PCDHA6: variants seen among roughly 807,000 people sequenced by gnomAD.
The protein encoded by PCDHA6 is protocadherin alpha 6.
In PCDHA6, 55 loss-of-function variants were observed where a neutral mutation model predicts 60.3. The observed-to-expected ratio is 0.91, with a 90% confidence interval of 0.73 to 1.14. The LOEUF is 1.14. PCDHA6 is among the 50% of genes most tolerant of loss of function. The pLI, the probability that PCDHA6 is intolerant of heterozygous loss-of-function variation, is 0.00. For missense variants in PCDHA6, 1,327 were observed against 1,256.5 expected, an observed-to-expected ratio of 1.06 and a Z score of -0.85; for synonymous variants, 652 against 557.9, an observed-to-expected ratio of 1.17 and a Z score of -2.38.
chr5:140,867,523 A>AGT (rs2050005446), intron 1 of PCDHA6: 1 of 152,088 alleles, frequency 6.6e-6, no homozygotes, highest in South Asian at 2.1e-4. Context: ...TTAATAGTTG[A>AGT]ATATATATAT....
Position 141,009,950 on chromosome 5 carries a change from G to C in PCDHA6, c.*13G>C, listed in dbSNP as rs782235440. On this transcript the variant is annotated 3_prime_UTR_variant, in exon 4 of 4. Coordinates refer to ENST00000529310, the MANE Select transcript of PCDHA6 (RefSeq NM_018909.4). ...CAGTGACCAGTGAGGTCCTCAAATGGAAACAAGCCACTTAGCCAGTTTTTG... is the reference window on the plus strand; with the variant it reads ...CAGTGACCAGTGAGGTCCTCAAATGCAAACAAGCCACTTAGCCAGTTTTTG... 12 of 1,593,098 alleles carry C rather than the reference G, an allele frequency of 7.5e-6. No individual in the cohort carries two copies. In the East Asian group the frequency reaches 2.5e-4, roughly 33 times the overall value.
Position 140,842,578 on chromosome 5 carries a change from G to C in PCDHA6, c.2394+12093G>C, listed in dbSNP as rs2150339831. On this transcript the variant is annotated intron_variant, in intron 1 of 3. Transcript: ENST00000529310. ...GCGCCCTGGACCGCGAGAGAGTGTC[G>C]GCCTATGAGTTGGTGGTAACCGCGC... 18 of 1,515,278 alleles carry C rather than the reference G, an allele frequency of 1.2e-5. 1 individual carries two copies. The highest frequency in any genetic ancestry group is 1.5e-5 in the Non-Finnish European group (17 of 1,114,964). 93.9% of individuals were successfully genotyped at this position (1,515,278 alleles called of 1,614,324 possible). A position where few individuals can be genotyped will look rare whatever the true frequency, so the allele number is the denominator to read the frequency against.
At chr5:140,979,244 T>C (rs1214932523) in intron 2 of PCDHA6, among the ~76,000 whole-genome samples, 1 of 152,224 alleles carries the variant, frequency 6.6e-6, no homozygotes, top group African/African-American at 2.4e-5. Context: ...AGAAACAGGC[T>C]GCTATGTATT....
chr5:140,995,113 A>T (rs560699104), intron 3 of PCDHA6, among the ~76,000 whole-genome samples: 1 of 152,370 alleles, frequency 6.6e-6, no homozygotes, highest in East Asian at 1.9e-4. Flanking sequence ...CAAGACCCTC[A>T]GTGGATGCCT....
chr5:140,999,603 G>C (rs552647484), intron 3 of PCDHA6, among the ~76,000 whole-genome samples: 1 of 152,246 alleles, frequency 6.6e-6, no homozygotes, highest in South Asian at 2.1e-4. Flanking sequence ...TACATCCTGG[G>C]GGACCTTATC....
rs138893413 is a variant in PCDHA6, at chr5:140,976,899, T to C, written c.2395-2050T>C. Among the ~76,000 whole-genome samples, 191 of 152,340 alleles carry C rather than the reference T, an allele frequency of 1.3e-3. 1 individual carries two copies. The highest frequency in any genetic ancestry group is 4.3e-3 in the African/African-American group (179 of 41,576). ...AAGAATTAGGATACATGCAACAGTA[T>C]GTAATAAAGTGCAAAATCTAGTACT... On this transcript the variant is annotated intron_variant, in intron 1 of 3. Transcript: ENST00000529310.
intron 1 of PCDHA6, among the ~76,000 whole-genome samples, chr5:140,957,575 T>C (rs1437290620): frequency 6.6e-6 from 1 of 152,152 alleles, no homozygotes; most frequent in African/African-American, 2.4e-5. Flanking sequence ...ACTACTGTAC[T>C]TTTAACAAAG....
chr5:140,848,333 CAG>C, intron 1 of PCDHA6: 1 of 843,614 alleles, frequency 1.2e-6, no homozygotes, highest in African/African-American at 1.7e-5. Flanking sequence ...TCTCTGAATC[CAG>C]ACAAATACAG....
rs960845779 is a variant in PCDHA6, at chr5:140,852,795, A to G, written c.2394+22310A>G. 2.0e-5 allele frequency: 20 copies of G among 977,252 alleles called. 2 individuals are homozygous for G. In the African/African-American group the frequency reaches 2.8e-4, roughly 14 times the overall value. 60.5% of individuals were successfully genotyped at this position (977,252 alleles called of 1,614,324 possible). A position where few individuals can be genotyped will look rare whatever the true frequency, so the allele number is the denominator to read the frequency against. ...TGATGTGAATAGAGGGATGCTACAG[A>G]TGTCATTTGTCTCCCGCCCTAAGTC... On this transcript the variant is annotated intron_variant, in intron 1 of 3. Coordinates refer to ENST00000529310, the MANE Select transcript of PCDHA6 (RefSeq NM_018909.4).
intron 1 of PCDHA6, among the ~76,000 whole-genome samples, chr5:140,892,460 C>T (rs1428598912): frequency 1.3e-5 from 2 of 152,102 alleles, no homozygotes; most frequent in African/African-American, 2.4e-5. Context: ...TCTTTAAGTA[C>T]GGTTATTCAG....
chr5:140,834,958 T>C (rs2150229449), intron 1 of PCDHA6: 5 of 1,531,514 alleles, frequency 3.3e-6, no homozygotes, highest in Non-Finnish European at 4.4e-6. Flanking sequence ...GTAAAACCTC[T>C]TGGACTTGTA....
intron 1 of PCDHA6, chr5:140,883,811 G>C (rs782535066): frequency 6.2e-7 from 1 of 1,612,586 alleles, no homozygotes; most frequent in South Asian, 1.1e-5. Context: ...CGCGGAGAGC[G>C]GCAAGGTGTA....
At chr5:140,895,898 G>A (rs1023440863) in intron 1 of PCDHA6, among the ~76,000 whole-genome samples, 2 of 152,016 alleles carry the variant, frequency 1.3e-5, no homozygotes, top group South Asian at 4.1e-4. Flanking sequence ...TGCAACCTCC[G>A]CGTCCCGGGC....
intron 1 of PCDHA6, chr5:140,866,746 G>A (rs1264233885): frequency 6.6e-6 from 1 of 152,118 alleles, no homozygotes; most frequent in Admixed American, 6.5e-5. Flanking sequence ...ATACTTATAT[G>A]ACTAACAGGA....
chr5:140,937,527 G>A (rs1190290782), intron 1 of PCDHA6, among the ~76,000 whole-genome samples: 3 of 152,250 alleles, frequency 2.0e-5, no homozygotes, highest in Non-Finnish European at 4.4e-5. Flanking sequence ...TGAGGCAGGA[G>A]AATTGCTTGA....
intron 1 of PCDHA6, chr5:140,852,356 C>A: frequency 4.8e-6 from 1 of 206,680 alleles, no homozygotes; most frequent in Non-Finnish European, 9.4e-6. Flanking sequence ...TGGCTCACTG[C>A]AACGTCTGCC....
chr5:140,964,689 GAGAGATTA>G (rs781865484), intron 1 of PCDHA6, among the ~76,000 whole-genome samples: 4 of 152,008 alleles, frequency 2.6e-5, no homozygotes, highest in Non-Finnish European at 5.9e-5. Context: ...TTGTGCACTT[GAGAGATTA>G]AGGCCTCCGA....
At chr5:141,006,313 G>A (rs190584023) in intron 3 of PCDHA6, among the ~76,000 whole-genome samples, 18 of 152,072 alleles carry the variant, frequency 1.2e-4, no homozygotes, top group Admixed American at 1.1e-3. Context: ...CCGGGTTCAT[G>A]CCATTCTCCT....
chr5:140,848,135 C>CT, intron 1 of PCDHA6: 1 of 194,926 alleles, frequency 5.1e-6, no homozygotes, highest in Non-Finnish European at 1.1e-5. Flanking sequence ...TCATACAAAA[C>CT]TTTTAGAGGC....
Sources: gnomAD v4.1 joint callset for allele counts (sites outside exome capture counted in the v4.1 genomes callset) on GRCh38, gnomAD v4.1.1 for gene constraint, MANE v1.5 for transcripts, NCBI Gene and HGNC (gene_info 2026-07-23, HGNC 2026-07-21) for gene names.